ETFDH: variants seen among roughly 807,000 people sequenced by gnomAD.
The protein encoded by ETFDH is electron transfer flavoprotein-ubiquinone oxidoreductase, mitochondrial.
Under a neutral mutation model 73.2 loss-of-function variants are expected in ETFDH, and 61 were observed. The observed-to-expected ratio is 0.83, with a 90% confidence interval of 0.68 to 1.03. The LOEUF is 1.03. Ranked by LOEUF, ETFDH falls within the 50% of genes least tolerant of loss-of-function variation. The pLI is 0.00. For missense variants in ETFDH, 685 were observed against 745.0 expected, an observed-to-expected ratio of 0.92 and a Z score of 0.94; for synonymous variants, 243 against 253.3, an observed-to-expected ratio of 0.96 and a Z score of 0.39.
intron 1 of ETFDH, among the ~76,000 whole-genome samples, chr4:158,675,799 A>G (rs1225536559): frequency 1.3e-5 from 2 of 151,882 alleles, no homozygotes; most frequent in Admixed American, 6.6e-5. Flanking sequence ...AGCTAGGAAC[A>G]TTCATGTGCA....
chr4:158,676,987 T>C (rs1234914449), intron 1 of ETFDH, among the ~76,000 whole-genome samples: 1 of 152,250 alleles, frequency 6.6e-6, no homozygotes, highest in Non-Finnish European at 1.5e-5. Flanking sequence ...GAAAATATTT[T>C]CTCCCATTCC....
intron 5 of ETFDH, 77 bp from the exon 6 acceptor site, chr4:158,690,271 C>G: frequency 1.2e-6 from 1 of 826,426 alleles, no homozygotes; most frequent in Non-Finnish European, 2.1e-6. Context: ...TCTAAGAAAC[C>G]TAAGGCTGTT....
chr4:158,675,923 C>T (rs1178225995), intron 1 of ETFDH, among the ~76,000 whole-genome samples: 1 of 152,192 alleles, frequency 6.6e-6, no homozygotes. Context: ...TTCAAAGAGA[C>T]TGCATCATTT....
chr4:158,682,857 T>TA (rs1368105695), intron 3 of ETFDH, among the ~76,000 whole-genome samples: 1 of 152,132 alleles, frequency 6.6e-6, no homozygotes, highest in Non-Finnish European at 1.5e-5. Flanking sequence ...AGGGAATAAT[T>TA]ATATACTTTT....
In ETFDH at chr4:158,672,402, G is replaced by A. The variant is rs1487369316; in HGVS notation, c.-55G>A. 2.5e-6 allele frequency: 4 copies of A among 1,598,058 alleles called. No homozygotes were observed. Among genetic ancestry groups the A allele is most frequent in the African/African-American group, 1.3e-5 (1 of 74,666 alleles). ...GGCCTAGAGGTCCAGCGCCCGCCGC[G>A]AGCAGCGGACAGTCCTCCTGTTGTG... On this transcript the variant is annotated 5_prime_UTR_variant, in exon 1 of 13. Transcript: ENST00000511912.
In ETFDH at chr4:158,706,463, A is replaced by G. The variant is rs1057135842; in HGVS notation, c.1468+92A>G. On this transcript the variant is annotated intron_variant, in intron 11 of 12. Transcript: ENST00000511912. ...GAAAGTGATTGTTTTAATGTTTTCAACTTGGAGAAATTATAAATTTAGTGT... is the reference window on the plus strand; with the variant it reads ...GAAAGTGATTGTTTTAATGTTTTCAGCTTGGAGAAATTATAAATTTAGTGT... The G allele has an allele frequency of 1.4e-5, 17 of 1,207,794 alleles. No individual in the cohort carries two copies. The South Asian group carries it at 2.1e-4, about 15-fold the overall frequency. 74.8% of individuals were successfully genotyped at this position (1,207,794 alleles called of 1,614,324 possible). A position where few individuals can be genotyped will look rare whatever the true frequency, so the allele number is the denominator to read the frequency against.
intron 1 of ETFDH, among the ~76,000 whole-genome samples, chr4:158,673,935 T>C (rs1243709680): frequency 6.6e-6 from 1 of 152,224 alleles, no homozygotes; most frequent in Non-Finnish European, 1.5e-5. Flanking sequence ...GGAGACTGAA[T>C]ATTCCAATCT....
At position 158,695,569 on chromosome 4, in the gene ETFDH, G is replaced by A; in HGVS notation, c.757G>A (p.Ala253Thr). ...IFAEGCHGHL[A>T]KQLYKKFDLR... ...TGCAGAAGGTTGCCATGGACATCTAGCCAAGCAACTATATAAGAAGTTTGA... is the reference window on the plus strand; with the variant it reads ...TGCAGAAGGTTGCCATGGACATCTAACCAAGCAACTATATAAGAAGTTTGA... Residue 253 changes from alanine to threonine, a missense_variant, in exon 7 of 13, where the codon GCC (alanine) becomes ACC (threonine). Ala to Thr is a moderately conservative substitution (Grantham distance 58). Transcript: ENST00000511912. 1 of 1,611,764 alleles carries A rather than the reference G, an allele frequency of 6.2e-7. No individual in the cohort carries two copies. Among genetic ancestry groups the A allele is most frequent in the South Asian group, 1.1e-5 (1 of 91,024 alleles).
intron 6 of ETFDH, 40 bp from the exon 7 acceptor site, chr4:158,695,457 A>T (rs2150310929): frequency 6.4e-7 from 1 of 1,568,756 alleles, no homozygotes; most frequent in Admixed American, 1.7e-5. Flanking sequence ...TGTATTTTAA[A>T]TTGTCAAATG....
At chr4:158,701,699 TCA>T (rs528657799) in intron 9 of ETFDH, among the ~76,000 whole-genome samples, 38 of 152,154 alleles carry the variant, frequency 2.5e-4, no homozygotes, top group Admixed American at 1.2e-3. Context: ...AATGTACCAC[TCA>T]CCATTTTCTC....
chr4:158,678,849 A>G (rs1376679477), intron 1 of ETFDH, among the ~76,000 whole-genome samples: 1 of 151,980 alleles, frequency 6.6e-6, no homozygotes, highest in African/African-American at 2.4e-5. Flanking sequence ...TCTGTAGAGA[A>G]GAGGTCTTGC....
intron 1 of ETFDH, among the ~76,000 whole-genome samples, chr4:158,676,930 G>A (rs958263933): frequency 3.9e-5 from 6 of 152,088 alleles, no homozygotes; most frequent in African/African-American, 1.4e-4. Flanking sequence ...AGATATAAGA[G>A]TTCTTTCTGT....
At position 158,684,763 on chromosome 4, in the gene ETFDH, C is replaced by T. The variant is rs1773959577; in HGVS notation, c.487+90C>T. The T allele has an allele frequency of 4.9e-6, 4 of 822,064 alleles. No homozygotes were observed. The Admixed American group carries it at 7.1e-5, about 15-fold the overall frequency. 50.9% of individuals were successfully genotyped at this position (822,064 alleles called of 1,614,324 possible). ...TGACGAAATTTCCTCCTTTTACAGA[C>T]AAGAACTGAGACCCAGATATTTGAA... On this transcript the variant is annotated intron_variant, in intron 4 of 12. Coordinates refer to ENST00000511912, the MANE Select transcript of ETFDH (RefSeq NM_004453.4).
chr4:158,687,027 G>A (rs914482415), intron 5 of ETFDH, among the ~76,000 whole-genome samples: 1 of 152,154 alleles, frequency 6.6e-6, no homozygotes, highest in African/African-American at 2.4e-5. Flanking sequence ...TGACTTTAGG[G>A]GGATAGTAGG....
At position 158,699,052 on chromosome 4, in the gene ETFDH, T is replaced by G. The variant is rs770922279; in HGVS notation, c.1038T>G (p.His346Gln). Residue 346 changes from histidine to glutamine, a missense_variant, in exon 9 of 13, where the codon CAT (histidine) becomes CAG (glutamine). Physicochemically the swap from His to Gln is conservative, Grantham distance 24 (BLOSUM62 0). Transcript: ENST00000511912. ...GAGAGTTCCAAAGGTGGAAACACCATCCTAGCATTCGGCCAACCTTGGAAG... is the reference window on the plus strand; with the variant it reads ...GAGAGTTCCAAAGGTGGAAACACCAGCCTAGCATTCGGCCAACCTTGGAAG... The part of the protein sequence containing the change: ...PFREFQRWKH[H>Q]PSIRPTLEGG... The G allele has an allele frequency of 1.2e-6, 2 of 1,613,212 alleles. No individual in the cohort carries two copies. Among genetic ancestry groups the G allele is most frequent in the African/African-American group, 1.3e-5 (1 of 75,038 alleles).
chr4:158,679,158 CTT>C (rs769458830), intron 1 of ETFDH: 2 of 152,070 alleles, frequency 1.3e-5, no homozygotes, highest in African/African-American at 2.4e-5. Flanking sequence ...TTTCTGAACT[CTT>C]TATTCTTTTT....
At chr4:158,683,677 T>C (rs936607459) in intron 3 of ETFDH, among the ~76,000 whole-genome samples, 2 of 152,002 alleles carry the variant, frequency 1.3e-5, no homozygotes, top group African/African-American at 2.4e-5. Context: ...CCTCCGGGGC[T>C]CAAGTAATCC....
chr4:158,699,443 G>A (rs540992160), intron 9 of ETFDH, among the ~76,000 whole-genome samples: 31 of 152,246 alleles, frequency 2.0e-4, no homozygotes, highest in African/African-American at 6.7e-4. Context: ...GGTGACGAGC[G>A]CCTGTGGTCC....
At chr4:158,680,647 G>C (rs1013187846) in intron 2 of ETFDH, 40 bp downstream of exon 2, 2 of 1,543,150 alleles carry the variant, frequency 1.3e-6, no homozygotes, top group African/African-American at 2.7e-5. Context: ...GACTTTTCTG[G>C]ATACTTTGTT....
Sources: gnomAD v4.1 joint callset for allele counts (sites outside exome capture counted in the v4.1 genomes callset) on GRCh38, gnomAD v4.1.1 for gene constraint, MANE v1.5 for transcripts, NCBI Gene and HGNC (gene_info 2026-07-23, HGNC 2026-07-21) for gene names.